The following VCL variants were observed in gnomAD, a reference collection of about 807,000 sequenced individuals.
VCL encodes the protein epididymis luminal protein 114.
In VCL, 47 loss-of-function variants were observed where a neutral mutation model predicts 125.7. The observed-to-expected ratio is 0.37, with a 90% confidence interval of 0.30 to 0.48. The LOEUF (loss-of-function observed/expected upper bound fraction) is 0.48, where lower values mean the gene tolerates loss of function less well. Ranked by LOEUF, VCL falls within the 20% of genes least tolerant of loss-of-function variation. The probability of loss-of-function intolerance (pLI) is 0.99; values close to 1 mark genes in which losing one functional copy is unlikely to be tolerated. For missense variants in VCL, 1,069 were observed against 1,455.5 expected, an observed-to-expected ratio of 0.73 and a Z score of 4.32; for synonymous variants, 458 against 514.6, an observed-to-expected ratio of 0.89 and a Z score of 1.49.
Position 74,094,415 on chromosome 10 carries a change from A to G in VCL, c.1497A>G (p.Gln499=), listed in dbSNP as rs986960406. 5 of 1,614,090 alleles carry G rather than the reference A, an allele frequency of 3.1e-6. No homozygotes were observed. The African/African-American group carries it at 5.3e-5, about 17-fold the overall frequency. Residue 499 remains glutamine, a synonymous_variant, in exon 11 of 22, where the codon CAA becomes CAG. Transcript: ENST00000211998. Reference sequence around the variant, plus strand: ...TACACCTTGAGGGCAAGATTGAGCAAGCACAGCGGTGGATTGATAATCCCA... The same window carrying G: ...TACACCTTGAGGGCAAGATTGAGCAGGCACAGCGGTGGATTGATAATCCCA... ...AAVHLEGKIE[Q]AQRWIDNPTV...
At chr10:74,020,475 A>C (rs1840639674) in intron 1 of VCL, among the ~76,000 whole-genome samples, 1 of 152,206 alleles carries the variant, frequency 6.6e-6, no homozygotes, top group Admixed American at 6.5e-5. Flanking sequence ...GCTTGAATTC[A>C]GGAATGCCAG....
chr10:74,009,168 A>G (rs1217772469), intron 1 of VCL, among the ~76,000 whole-genome samples: 1 of 146,776 alleles, frequency 6.8e-6, no homozygotes, highest in East Asian at 2.0e-4. Context: ...AGTGGGCCAC[A>G]TAAGTTCAGG....
At chr10:74,011,261 G>A (rs1471111485) in intron 1 of VCL, among the ~76,000 whole-genome samples, 1 of 151,990 alleles carries the variant, frequency 6.6e-6, no homozygotes, top group Non-Finnish European at 1.5e-5. Flanking sequence ...GGTAGAGTGG[G>A]ATAGAGTGTT....
chr10:74,101,330 A>G (rs1840051536), intron 14 of VCL, among the ~76,000 whole-genome samples: 1 of 151,918 alleles, frequency 6.6e-6, no homozygotes, highest in South Asian at 2.1e-4. Context: ...TACCAAAAAA[A>G]AAAAAATTAG....
chr10:74,040,810 T>A (rs1488330540), intron 1 of VCL, among the ~76,000 whole-genome samples: 1 of 152,248 alleles, frequency 6.6e-6, no homozygotes. Flanking sequence ...TGACTTATAT[T>A]CCCTGAGAAT....
intron 2 of VCL, among the ~76,000 whole-genome samples, chr10:74,062,253 T>C (rs1841493379): frequency 6.6e-6 from 1 of 151,440 alleles, no homozygotes. Context: ...TTTGTAAAAA[T>C]GGGGTTTTGC....
At chr10:74,018,192 A>ATATATATATATATATATATATATG (rs1840593494) in intron 1 of VCL, among the ~76,000 whole-genome samples, 1 of 139,608 alleles carries the variant, frequency 7.2e-6, no homozygotes, top group Non-Finnish European at 1.6e-5. Context: ...ATATATATAT[A>ATATATATATATATATATATATATG]TATATATATA....
intron 2 of VCL, among the ~76,000 whole-genome samples, chr10:74,044,362 G>T (rs1222689719): frequency 6.6e-6 from 1 of 152,074 alleles, no homozygotes; most frequent in Admixed American, 6.6e-5. Flanking sequence ...AAAAAAAATA[G>T]AACTCATAGA....
rs61865584 is a variant in VCL, at chr10:74,102,116, C to A, written c.2022+1019C>A. Among the ~76,000 whole-genome samples, 1,011 of 152,140 alleles carry A rather than the reference C, an allele frequency of 6.6e-3. 4 individuals carry two copies. Among genetic ancestry groups the A allele is most frequent in the Non-Finnish European group, 0.011 (720 of 68,004 alleles). On this transcript the variant is annotated intron_variant, in intron 14 of 21. Transcript: ENST00000211998. ...TCCTGACCTCATGATCCGCCCACCT[C>A]GGCCTCCCAAAGTGCTGAGATTACA...
At chr10:74,113,105 G>A (rs1256610523) in intron 19 of VCL, among the ~76,000 whole-genome samples, 2 of 152,220 alleles carry the variant, frequency 1.3e-5, no homozygotes, top group Non-Finnish European at 2.9e-5. Context: ...CAGTGGTATG[G>A]TTTGTGTATG....
At chr10:74,081,332 C>T (rs1447691656) in intron 6 of VCL, among the ~76,000 whole-genome samples, 1 of 152,120 alleles carries the variant, frequency 6.6e-6, no homozygotes, top group Non-Finnish European at 1.5e-5. Flanking sequence ...TGGGTGCTGC[C>T]AATGCTTATT....
intron 1 of VCL, among the ~76,000 whole-genome samples, chr10:74,025,090 C>G (rs1591657644): frequency 6.6e-6 from 1 of 152,148 alleles, no homozygotes; most frequent in African/African-American, 2.4e-5. Flanking sequence ...GATCTCAGCT[C>G]ACTGCAACCT....
At chr10:74,062,543 T>C (rs1210076516) in intron 2 of VCL, among the ~76,000 whole-genome samples, 1 of 152,082 alleles carries the variant, frequency 6.6e-6, no homozygotes, top group Non-Finnish European at 1.5e-5. Context: ...GTTATGACCA[T>C]TTTAATGTTC....
At chr10:74,073,635 A>G (rs1457041105) in intron 5 of VCL, among the ~76,000 whole-genome samples, 3 of 152,212 alleles carry the variant, frequency 2.0e-5, no homozygotes, top group Admixed American at 2.0e-4. Context: ...TGTTGTTTAC[A>G]TCATGAGTAG....
chr10:74,080,704 T>C (rs1839661597), intron 6 of VCL, among the ~76,000 whole-genome samples: 1 of 152,220 alleles, frequency 6.6e-6, no homozygotes, highest in Non-Finnish European at 1.5e-5. Context: ...TATTTTTACA[T>C]TGACATAATT....
At chr10:74,087,339 CTTTTTTT>C (rs553757805) in intron 8 of VCL, among the ~76,000 whole-genome samples, 2 of 120,378 alleles carry the variant, frequency 1.7e-5, no homozygotes, top group Non-Finnish European at 3.4e-5. Flanking sequence ...TTAGGTTTTT[CTTTTTTT>C]TTTTTTTTTC....
At chr10:74,050,611 G>C (rs191114339) in intron 2 of VCL, among the ~76,000 whole-genome samples, 1 of 152,102 alleles carries the variant, frequency 6.6e-6, no homozygotes, top group Non-Finnish European at 1.5e-5. Flanking sequence ...GATGAAATTT[G>C]TATTTTTAAA....
At chr10:74,029,099 G>A (rs993265181) in intron 1 of VCL, among the ~76,000 whole-genome samples, 3 of 151,912 alleles carry the variant, frequency 2.0e-5, no homozygotes, top group Admixed American at 2.0e-4. Context: ...GATTACAGGC[G>A]TGCCTCCATA....
At position 74,071,088 on chromosome 10, in the gene VCL, G is replaced by C. The variant is rs1841657077; in HGVS notation, c.499+5G>C. The C allele has an allele frequency of 6.2e-7, 1 of 1,613,122 alleles. No homozygotes were observed. On this transcript the variant is annotated splice_donor_5th_base_variant and intron_variant, in intron 4 of 21. Coordinates refer to ENST00000211998, the MANE Select transcript of VCL (RefSeq NM_014000.3). The surrounding 1 kb of genome is among the most constrained non-coding windows in gnomAD (Gnocchi z 4.1). ...ACACAAAGAATCTTGGGCCAGGTTA[G>C]TTTTATCCAATTTCTATAACATTTT...
Sources: gnomAD v4.1 joint callset for allele counts (sites outside exome capture counted in the v4.1 genomes callset) on GRCh38, gnomAD v4.1.1 for gene constraint, Gnocchi (gnomAD v3.1) non-coding constraint, MANE v1.5 for transcripts, NCBI Gene and HGNC (gene_info 2026-07-23, HGNC 2026-07-21) for gene names.